MRTFB: variants seen among roughly 807,000 people sequenced by gnomAD.
MRTFB encodes myocardin-related transcription factor B.
Under a neutral mutation model 104.2 loss-of-function variants are expected in MRTFB, and 29 were observed. That is an observed-to-expected ratio of 0.28 (90% CI 0.21 to 0.38). MRTFB has a LOEUF of 0.38. Ranked by LOEUF, MRTFB falls within the 10% of genes least tolerant of loss-of-function variation. The pLI is 1.00. For synonymous variants in MRTFB, 535 were observed against 519.5 expected, an observed-to-expected ratio of 1.03 and a Z score of -0.41; for missense variants, 1,270 against 1,341.6, an observed-to-expected ratio of 0.95 and a Z score of 0.83.
chr16:14,111,488 C>T (rs2036264976), intron 2 of MRTFB, among the ~76,000 whole-genome samples: 1 of 152,202 alleles, frequency 6.6e-6, no homozygotes, highest in African/African-American at 2.4e-5. Context: ...TAAAGAACTT[C>T]AGAAACATTG....
Position 14,097,944 on chromosome 16 carries a change from A to G in MRTFB, c.-64+18590A>G, listed in dbSNP as rs191736879. ...TCTTCTTAGACATAGTTGGTTGTGTAGATATGCCACAATTTGTATATCTGT... is the reference window on the plus strand; with the variant it reads ...TCTTCTTAGACATAGTTGGTTGTGTGGATATGCCACAATTTGTATATCTGT... On this transcript the variant is annotated intron_variant, in intron 2 of 16. Coordinates refer to ENST00000571589, the MANE Select transcript of MRTFB (RefSeq NM_001308142.2). Among the ~76,000 whole-genome samples the G allele has an allele frequency of 7.5e-4, 114 of 152,352 alleles. 3 individuals are homozygous for G. The South Asian group carries it at 0.01, about 14-fold the overall frequency.
In MRTFB at chr16:14,260,975, TCAC is replaced by T. The variant is rs1477394568; in HGVS notation, c.2835_2837del (p.Thr946del). The T allele has an allele frequency of 3.1e-6, 5 of 1,614,048 alleles. No individual in the cohort carries two copies. In the African/African-American group the frequency reaches 4.0e-5, roughly 13 times the overall value. On this transcript the variant is annotated inframe_deletion, in exon 17 of 17. Transcript: ENST00000571589. ...AAAATGAGACCAGTGACAGCCAGCATCACCACAATGCCAGTGAATACAGTGGTG... is the reference window on the plus strand; with the variant it reads ...AAAATGAGACCAGTGACAGCCAGCATCACAATGCCAGTGAATACAGTGGTG...
intron 3 of MRTFB, among the ~76,000 whole-genome samples, chr16:14,185,203 G>A (rs28605092): frequency 0.026 from 3,899 of 152,260 alleles, 178 homozygotes; most frequent in African/African-American, 0.089. Context: ...AATTGCTTCA[G>A]AAGGAATTTC....
intron 3 of MRTFB, among the ~76,000 whole-genome samples, chr16:14,207,902 T>C (rs1030224706): frequency 3.9e-5 from 6 of 152,182 alleles, no homozygotes; most frequent in African/African-American, 1.2e-4. Flanking sequence ...GGCCTAACAA[T>C]TGGCATCTGA....
At chr16:13,998,822 T>C in the MRTFB span, among the ~76,000 whole-genome samples, 1 of 131,752 alleles carries the variant, frequency 7.6e-6, no homozygotes, top group Non-Finnish European at 1.5e-5. Context: ...CAGTGAGCCA[T>C]GTTCATGCCA....
the MRTFB span, among the ~76,000 whole-genome samples, chr16:14,036,664 A>G: frequency 2.0e-5 from 3 of 151,280 alleles, no homozygotes; most frequent in South Asian, 6.2e-4. Context: ...TATACATTCC[A>G]TCATATATAT....
chr16:14,000,432 A>G, the MRTFB span, among the ~76,000 whole-genome samples: 2 of 152,202 alleles, frequency 1.3e-5, no homozygotes, highest in South Asian at 4.1e-4. Context: ...CTGATGCTCC[A>G]GGAGCTCAGT....
chr16:14,140,985 T>C (rs1296287022), intron 3 of MRTFB: 27 of 470,948 alleles, frequency 5.7e-5, no homozygotes, highest in African/African-American at 1.8e-4. Flanking sequence ...ACGTTACCTT[T>C]GGAAATAATC....
chr16:14,033,089 A>T, the MRTFB span, among the ~76,000 whole-genome samples: 1 of 152,172 alleles, frequency 6.6e-6, no homozygotes, highest in East Asian at 1.9e-4. Context: ...GAAGCTCTAG[A>T]TCTTGGCTCC....
rs1389836280 is a variant in MRTFB at position 14,077,183 on chromosome 16, C to T, written c.-128-2107C>T. Among the ~76,000 whole-genome samples the T allele has an allele frequency of 2.0e-5, 3 of 152,156 alleles. No individual in the cohort carries two copies. In the South Asian group the frequency reaches 6.2e-4, roughly 31 times the overall value. On this transcript the variant is annotated intron_variant, in intron 1 of 16. Coordinates refer to ENST00000571589, the MANE Select transcript of MRTFB (RefSeq NM_001308142.2). ...TATCTGGATTTTACGTCAAAGGCCTCCACGATTTCTGGAATCTGCCCGTGT... is the reference window on the plus strand; with the variant it reads ...TATCTGGATTTTACGTCAAAGGCCTTCACGATTTCTGGAATCTGCCCGTGT...
At chr16:14,007,579 A>G in the MRTFB span, among the ~76,000 whole-genome samples, 2 of 152,166 alleles carry the variant, frequency 1.3e-5, no homozygotes, top group South Asian at 2.1e-4. Flanking sequence ...TTTCTCTTCT[A>G]TATACCTACG....
At chr16:14,052,322 A>G in the MRTFB span, among the ~76,000 whole-genome samples, 4 of 152,214 alleles carry the variant, frequency 2.6e-5, no homozygotes, top group Admixed American at 6.5e-5. Flanking sequence ...TATGGGGTAC[A>G]TGTGGCATTT....
At chr16:14,042,275 G>A in the MRTFB span, among the ~76,000 whole-genome samples, 19 of 152,086 alleles carry the variant, frequency 1.2e-4, no homozygotes, top group South Asian at 2.1e-4. Context: ...ACAGGCACCC[G>A]CCACCACGCC....
chr16:14,048,478 C>A, the MRTFB span, among the ~76,000 whole-genome samples: 2 of 152,056 alleles, frequency 1.3e-5, no homozygotes, highest in Admixed American at 1.3e-4. Flanking sequence ...TGTGGTGAGG[C>A]CTTGGGAGAG....
rs529012146 is a variant in MRTFB, at chr16:14,100,964, A to G, written c.-64+21610A>G. Among the ~76,000 whole-genome samples, 13 of 152,046 alleles carry G rather than the reference A, an allele frequency of 8.6e-5. 1 individual carries two copies. The South Asian group carries it at 2.1e-3, about 24-fold the overall frequency. On this transcript the variant is annotated intron_variant, in intron 2 of 16. Transcript: ENST00000571589. ...TCTCTCTTTTTTCCTGATCAGTCCA[A>G]CTGGAGGTTTATCAATTTTATTTAC...
chr16:14,217,199 T>C lies in MRTFB; in HGVS notation c.426T>C (p.Asn142=). 1 of 1,613,954 alleles carries C rather than the reference T, an allele frequency of 6.2e-7. No homozygotes were observed. The highest frequency in any genetic ancestry group is 8.5e-7 in the Non-Finnish European group (1 of 1,179,908). ...GAGCTCGACTAGCAGATGATCTGAATGAAAAGATTGCTCAAAGACCTGGTC... is the reference window on the plus strand; with the variant it reads ...GAGCTCGACTAGCAGATGATCTGAACGAAAAGATTGCTCAAAGACCTGGTC... ...LKRARLADDL[N]EKIAQRPGPM... The change falls in exon 7 of 17, where the codon AAT becomes AAC. Residue 142 remains asparagine (N), a synonymous_variant. Transcript: ENST00000571589.
chr16:14,243,654 A>G (rs189440884), intron 10 of MRTFB, among the ~76,000 whole-genome samples: 64 of 152,294 alleles, frequency 4.2e-4, no homozygotes, highest in Admixed American at 1.0e-3. Flanking sequence ...TGATGCACCA[A>G]CTTCTTTTAA....
the MRTFB span, among the ~76,000 whole-genome samples, chr16:14,032,340 C>T: frequency 2.0e-5 from 3 of 152,086 alleles, no homozygotes; most frequent in East Asian, 1.9e-4. Context: ...TTTTGGAGAG[C>T]GTCTGGGTTG....
At chr16:14,129,267 T>A (rs1177774019) in intron 2 of MRTFB, among the ~76,000 whole-genome samples, 5 of 150,838 alleles carry the variant, frequency 3.3e-5, no homozygotes, top group African/African-American at 1.2e-4. Context: ...TACTGAGGTG[T>A]CATTTGCATA....
Sources: allele counts gnomAD v4.1 joint callset (sites outside exome capture counted in the v4.1 genomes callset), GRCh38; gene constraint gnomAD v4.1.1; transcripts MANE v1.5; gene names NCBI Gene and HGNC (gene_info 2026-07-23, HGNC 2026-07-21).